The following BTC variants were observed in gnomAD, a reference collection of about 807,000 sequenced individuals.
BTC encodes the protein probetacellulin.
A neutral mutation model predicts 18.1 loss-of-function variants in BTC; 13 were observed. That is an observed-to-expected ratio of 0.72 (90% confidence interval 0.47 to 1.14). BTC has a LOEUF of 1.14. Ranked by LOEUF, BTC falls within the 50% of genes most tolerant of loss-of-function variation. The pLI, the probability that BTC is intolerant of heterozygous loss-of-function variation, is 0.00. For synonymous variants in BTC, 83 were observed against 79.4 expected, an observed-to-expected ratio of 1.05 and a Z score of -0.24; for missense variants, 247 against 224.2, an observed-to-expected ratio of 1.10 and a Z score of -0.65.
At chr4:74,756,842 C>T (rs1560711781) in intron 2 of BTC, among the ~76,000 whole-genome samples, 1 of 152,214 alleles carries the variant, frequency 6.6e-6, no homozygotes, top group African/African-American at 2.4e-5. Flanking sequence ...AATTGATTGC[C>T]TAATTTTTCA....
chr4:74,792,521 C>T (rs1369703242), intron 1 of BTC, among the ~76,000 whole-genome samples: 2 of 152,206 alleles, frequency 1.3e-5, no homozygotes, highest in South Asian at 2.1e-4. Context: ...AGATTTATCA[C>T]CTTTAAACCA....
chr4:74,763,150 C>T (rs1553957489), intron 2 of BTC, among the ~76,000 whole-genome samples: 1 of 152,062 alleles, frequency 6.6e-6, no homozygotes, highest in Non-Finnish European at 1.5e-5. Context: ...TGTTTTTAAG[C>T]CCATTTGCCC....
intron 1 of BTC, among the ~76,000 whole-genome samples, chr4:74,791,669 A>G (rs373574839): frequency 2.0e-5 from 3 of 152,230 alleles, no homozygotes; most frequent in East Asian, 3.8e-4. Context: ...TGCATATGTT[A>G]GAATGGAAAT....
At chr4:74,789,120 C>A (rs1332628126) in intron 1 of BTC, among the ~76,000 whole-genome samples, 1 of 152,224 alleles carries the variant, frequency 6.6e-6, no homozygotes, top group African/African-American at 2.4e-5. Flanking sequence ...ATTTATTGAG[C>A]ACCTACTATA....
intron 4 of BTC, among the ~76,000 whole-genome samples, chr4:74,748,881 G>A (rs1553955776): frequency 6.6e-6 from 1 of 152,168 alleles, no homozygotes; most frequent in Non-Finnish European, 1.5e-5. Flanking sequence ...TTCCTAAAGT[G>A]CAGCTCCAAG....
At position 74,745,725 on chromosome 4, in the gene BTC, A is replaced by G. The variant is rs1724271097; in HGVS notation, c.*952T>C. Reference sequence around the variant, plus strand: ...GGTCTCTCCAGTGTTGTCACTGACCATTACTCCCATATAAACAGCCTCTTT... The same window carrying G: ...GGTCTCTCCAGTGTTGTCACTGACCGTTACTCCCATATAAACAGCCTCTTT... On this transcript the variant is annotated 3_prime_UTR_variant, in exon 6 of 6. Coordinates refer to ENST00000395743, the MANE Select transcript of BTC (RefSeq NM_001729.4). 6.6e-6 allele frequency: 1 copy of G among 152,192 alleles called. No homozygotes were observed. The highest frequency in any genetic ancestry group is 2.1e-4 in the South Asian group (1 of 4,830). The allele number at this position is 152,192 out of a possible 1,614,324, so 9.4% of individuals were successfully genotyped here. A position where few individuals can be genotyped will look rare whatever the true frequency, so the allele number is the denominator to read the frequency against.
chr4:74,782,453 T>G (rs982399924), intron 1 of BTC, among the ~76,000 whole-genome samples: 8 of 152,226 alleles, frequency 5.3e-5, no homozygotes, highest in Non-Finnish European at 1.0e-4. Context: ...TATGGTTGCA[T>G]AGTATTCCGT....
intron 2 of BTC, among the ~76,000 whole-genome samples, chr4:74,769,551 T>TAAG (rs1724986824): frequency 1.3e-5 from 2 of 152,226 alleles, no homozygotes; most frequent in Non-Finnish European, 2.9e-5. Context: ...GGCCAAATAC[T>TAAG]GCCTTAGACT....
At chr4:74,747,282 C>T (rs1243702152) in intron 5 of BTC, among the ~76,000 whole-genome samples, 1 of 152,160 alleles carries the variant, frequency 6.6e-6, no homozygotes, top group Non-Finnish European at 1.5e-5. Context: ...GGCTCCATTG[C>T]CCTCTGGTTT....
chr4:74,758,894 C>A (rs77409089), intron 2 of BTC, among the ~76,000 whole-genome samples: 5,672 of 152,184 alleles, frequency 0.037, 147 homozygotes, highest in Middle Eastern at 0.15. Flanking sequence ...CTTTATGGAG[C>A]TTTAAAACCT....
chr4:74,781,396 T>TGC (rs1725324729), intron 1 of BTC, among the ~76,000 whole-genome samples: 1 of 151,026 alleles, frequency 6.6e-6, no homozygotes, highest in African/African-American at 2.5e-5. Context: ...TGTGTGTGTG[T>TGC]GTGTGTGTGT....
At chr4:74,783,439 A>T (rs1725391277) in intron 1 of BTC, among the ~76,000 whole-genome samples, 1 of 151,916 alleles carries the variant, frequency 6.6e-6, no homozygotes, top group Non-Finnish European at 1.5e-5. Flanking sequence ...TGAGTTCCCT[A>T]TTCTCTTCTA....
At chr4:74,773,162 G>A (rs1419563404) in intron 1 of BTC, among the ~76,000 whole-genome samples, 1 of 152,194 alleles carries the variant, frequency 6.6e-6, no homozygotes, top group Non-Finnish European at 1.5e-5. Flanking sequence ...TGCCTGGCCT[G>A]CACAGTTTTT....
Position 74,750,650 on chromosome 4 carries a change from T to C in BTC, c.351A>G (p.Gly117=). ...CTATCAAACAAATCACCAGAATCTGTCCTCTGTCTCCTCTTAGGTAAAACA... is the reference window on the plus strand; with the variant it reads ...CTATCAAACAAATCACCAGAATCTGCCCTCTGTCTCCTCTTAGGTAAAACA... ...VDLFYLRGDR[G]QILVICLIAV... Residue 117 remains glycine (G), a synonymous_variant, in exon 4 of 6, where the codon GGA becomes GGG. Coordinates refer to ENST00000395743, the MANE Select transcript of BTC (RefSeq NM_001729.4). 1 of 1,613,968 alleles carries C rather than the reference T, an allele frequency of 6.2e-7. No homozygotes were observed. Among genetic ancestry groups the C allele is most frequent in the Non-Finnish European group, 8.5e-7 (1 of 1,179,936 alleles).
intron 4 of BTC, among the ~76,000 whole-genome samples, chr4:74,748,936 T>C (rs537345230): frequency 6.6e-6 from 1 of 152,326 alleles, no homozygotes; most frequent in South Asian, 2.1e-4. Context: ...CCCAACTGAT[T>C]CTCTGCCCTA....
intron 2 of BTC, among the ~76,000 whole-genome samples, chr4:74,761,026 G>T (rs142511618): frequency 6.6e-6 from 1 of 152,020 alleles, no homozygotes; most frequent in Non-Finnish European, 1.5e-5. Context: ...GAGCCAATGC[G>T]CCTGGCCTAG....
intron 1 of BTC, among the ~76,000 whole-genome samples, chr4:74,785,445 T>C (rs1386634402): frequency 6.6e-6 from 1 of 151,920 alleles, no homozygotes; most frequent in Non-Finnish European, 1.5e-5. Flanking sequence ...ATCTTGGGTA[T>C]TTTTTTGTCT....
intron 2 of BTC, among the ~76,000 whole-genome samples, chr4:74,766,736 A>G (rs754550631): frequency 2.2e-4 from 33 of 152,106 alleles, no homozygotes; most frequent in Middle Eastern, 3.2e-3. Flanking sequence ...AGAGGAAGAA[A>G]CACTTCCAAA....
intron 1 of BTC, among the ~76,000 whole-genome samples, chr4:74,787,962 C>A (rs1325486947): frequency 6.6e-6 from 1 of 152,112 alleles, no homozygotes; most frequent in Non-Finnish European, 1.5e-5. Flanking sequence ...AAAGGTGGGG[C>A]CAGCTTGTCC....
Sources: gnomAD v4.1 joint callset for allele counts (sites outside exome capture counted in the v4.1 genomes callset) on GRCh38, gnomAD v4.1.1 for gene constraint, MANE v1.5 for transcripts, NCBI Gene and HGNC (gene_info 2026-07-23, HGNC 2026-07-21) for gene names.